The following TMBIM6 variants were observed in gnomAD, a reference collection of about 807,000 sequenced individuals.
The protein encoded by TMBIM6 is bax inhibitor 1.
Under a neutral mutation model 31.4 loss-of-function variants are expected in TMBIM6, and 13 were observed. The observed-to-expected ratio is 0.41, with a 90% CI of 0.27 to 0.66. The LOEUF (loss-of-function observed/expected upper bound fraction) is 0.66, where lower values mean the gene tolerates loss of function less well. TMBIM6 is among the 30% of genes least tolerant of loss of function. The pLI, the probability that TMBIM6 is intolerant of heterozygous loss-of-function variation, is 0.28. For missense variants in TMBIM6, 275 were observed against 289.5 expected, an observed-to-expected ratio of 0.95 and a Z score of 0.36; for synonymous variants, 85 against 101.7, an observed-to-expected ratio of 0.84 and a Z score of 0.99.
At position 49,762,886 on chromosome 12, in the gene TMBIM6, A is replaced by C; in HGVS notation, c.704A>C (p.Glu235Ala). 1 of 1,613,104 alleles carries C rather than the reference A, an allele frequency of 6.2e-7. No homozygotes were observed. Among genetic ancestry groups the C allele is most frequent in the Non-Finnish European group, 8.5e-7 (1 of 1,179,156 alleles). ...LAMNEKDKKK[E>A]KK ...CTCCATTTCTAGGATAAGAAGAAAG[A>C]GAAGAAATGAAGTGACCATCCAGCC... The change falls in exon 10 of 10, where the codon GAG (glutamate) becomes GCG (alanine). Residue 235 changes from glutamate to alanine, a missense_variant. Transcript: ENST00000267115.
chr12:49,758,295 CTT>C lies in TMBIM6; in HGVS notation c.335+21_335+22del. 1 of 1,614,142 alleles carries C rather than the reference CTT, an allele frequency of 6.2e-7. No homozygotes were observed. The highest frequency in any genetic ancestry group is 8.5e-7 in the Non-Finnish European group (1 of 1,179,984). On this transcript the variant is annotated intron_variant, in intron 5 of 9. Coordinates refer to ENST00000267115, the MANE Select transcript of TMBIM6 (RefSeq NM_003217.3). Reference sequence around the variant, plus strand: ...CCCCAGGTAACTCTTTTGGTAGTGTCTTATGTGCTTTTATCTTTATGAATATA... The same window carrying C: ...CCCCAGGTAACTCTTTTGGTAGTGTCATGTGCTTTTATCTTTATGAATATA...
chr12:49,761,843 C>T, intron 9 of TMBIM6, 64 bp downstream of exon 9: 9 of 1,543,118 alleles, frequency 5.8e-6, no homozygotes, highest in Non-Finnish European at 8.0e-6. Flanking sequence ...TGTGTGTATA[C>T]TTCAGATTTG....
Position 49,742,323 on chromosome 12 carries a change from GTCTT to G in TMBIM6, c.-31+716_-31+719del, listed in dbSNP as rs776404922. 60 of 1,520,922 alleles carry G rather than the reference GTCTT, an allele frequency of 3.9e-5. No homozygotes were observed. In the African/African-American group the frequency reaches 7.1e-4, roughly 18 times the overall value. The allele number at this position is 1,520,922 out of a possible 1,614,324, so 94.2% of individuals were successfully genotyped here. A position where few individuals can be genotyped will look rare whatever the true frequency, so the allele number is the denominator to read the frequency against. ...TGCTTGGTCTTGAGGTTTTGTGGGCGTCTTTCTAAGTCTGCTCAGCAAGGGCGTC... is the reference window on the plus strand; with the variant it reads ...TGCTTGGTCTTGAGGTTTTGTGGGCGTCTAAGTCTGCTCAGCAAGGGCGTC... On this transcript the variant is annotated intron_variant, in intron 1 of 9. Coordinates refer to ENST00000267115, the MANE Select transcript of TMBIM6 (RefSeq NM_003217.3).
intron 1 of TMBIM6, chr12:49,742,023 C>G (rs1945304035): frequency 1.4e-6 from 2 of 1,456,812 alleles, no homozygotes; most frequent in South Asian, 1.3e-5. Flanking sequence ...GGTGAAGGAA[C>G]GCGAAACTCC....
intron 1 of TMBIM6, among the ~76,000 whole-genome samples, chr12:49,751,540 T>C (rs1945494157): frequency 2.0e-5 from 3 of 152,168 alleles, no homozygotes; most frequent in Admixed American, 1.3e-4. Flanking sequence ...TCCTCCTTTC[T>C]GCATAAATTC....
intron 1 of TMBIM6, among the ~76,000 whole-genome samples, chr12:49,749,441 G>GTTTTTTTT (rs61667487): frequency 1.2e-3 from 179 of 146,112 alleles, no homozygotes; most frequent in South Asian, 0.01. Flanking sequence ...AGTCATTTTT[G>GTTTTTTTT]TTTTTTTTTG....
intron 1 of TMBIM6, 61 bp from the exon 2 acceptor site, chr12:49,752,403 T>TA: frequency 4.1e-6 from 5 of 1,233,288 alleles, no homozygotes; most frequent in South Asian, 1.5e-5. Flanking sequence ...TTTTTTTTTT[T>TA]TATAAGCTGT....
intron 4 of TMBIM6, among the ~76,000 whole-genome samples, chr12:49,756,907 T>G (rs1945609666): frequency 1.3e-5 from 2 of 151,182 alleles, no homozygotes; most frequent in African/African-American, 4.9e-5. Context: ...AGCTAATCTT[T>G]TGTATTTTTA....
At chr12:49,755,176 C>T (rs1393314872) in intron 3 of TMBIM6, among the ~76,000 whole-genome samples, 6 of 151,744 alleles carry the variant, frequency 4.0e-5, no homozygotes, top group African/African-American at 9.7e-5. Context: ...AGGCTGGTCT[C>T]GAACTCCTGA....
At chr12:49,761,822 T>G (rs1192931352) in intron 9 of TMBIM6, 43 bp downstream of exon 9, 1 of 1,593,950 alleles carries the variant, frequency 6.3e-7, no homozygotes, top group South Asian at 1.1e-5. Context: ...TAATGGCTCC[T>G]GAGCTTGGCA....
intron 1 of TMBIM6, chr12:49,750,808 A>G (rs1945480952): frequency 6.6e-6 from 1 of 152,220 alleles, no homozygotes. Flanking sequence ...GAAGCAGATG[A>G]TGTTTATATC....
intron 1 of TMBIM6, chr12:49,742,032 C>T (rs1282457248): frequency 2.8e-5 from 41 of 1,489,360 alleles, no homozygotes; most frequent in Non-Finnish European, 3.6e-5. Context: ...ACGCGAAACT[C>T]CACCCATCCG....
chr12:49,741,929 C>T (rs1945302365), intron 1 of TMBIM6: 1 of 746,012 alleles, frequency 1.3e-6, no homozygotes, highest in South Asian at 1.9e-5. Flanking sequence ...TTTCCTTTCT[C>T]CCGCTCCTTC....
chr12:49,758,427 G>C lies in TMBIM6; in HGVS notation c.380G>C (p.Cys127Ser), dbSNP rs953482161. 3 of 1,613,974 alleles carry C rather than the reference G, an allele frequency of 1.9e-6. No individual in the cohort carries two copies. In the Admixed American group the frequency reaches 5.0e-5, roughly 27 times the overall value. The change falls in exon 6 of 10, where the codon TGC becomes TCC. Residue 127 changes from cysteine (C) to serine (S), a missense_variant. Transcript: ENST00000267115. ...AFMGTAMIFTCFTLSALYARR... is the reference protein window; with the variant it reads ...AFMGTAMIFTSFTLSALYARR... ...ATGGGCACGGCAATGATCTTTACCT[G>C]CTTCACCCTCAGTGCACTCTATGCC...
At chr12:49,755,507 C>T (rs1945572122) in intron 3 of TMBIM6, 128 bp from the exon 4 acceptor site, 29 of 1,204,334 alleles carry the variant, frequency 2.4e-5, no homozygotes, top group Non-Finnish European at 3.1e-5. Context: ...ACTACTTTTT[C>T]TCCTGCCTCC....
At chr12:49,755,478 G>C (rs1381346415) in intron 3 of TMBIM6, among the ~76,000 whole-genome samples, 157 bp from the exon 4 acceptor site, 2 of 152,270 alleles carry the variant, frequency 1.3e-5, no homozygotes, top group South Asian at 2.1e-4. Flanking sequence ...TATCTCCTCA[G>C]CCCCATCCCT....
chr12:49,763,811 T>G lies in TMBIM6; in HGVS notation c.*915T>G, dbSNP rs1001758423. The G allele has an allele frequency of 1.3e-5, 2 of 152,180 alleles. No individual in the cohort carries two copies. Among genetic ancestry groups the G allele is most frequent in the African/African-American group, 4.8e-5 (2 of 41,432 alleles). 9.4% of individuals were successfully genotyped at this position (152,180 alleles called of 1,614,324 possible). On this transcript the variant is annotated 3_prime_UTR_variant, in exon 10 of 10. Coordinates refer to ENST00000267115, the MANE Select transcript of TMBIM6 (RefSeq NM_003217.3). ...TGTAACCAATCCTGCCAGACCTGTT[T>G]GGGGCAGTGGGGAGCAAACCTAGAT...
At position 49,752,503 on chromosome 12, in the gene TMBIM6, T is replaced by C; in HGVS notation, c.10T>C (p.Phe4Leu). 1.9e-6 allele frequency: 3 copies of C among 1,613,786 alleles called. No homozygotes were observed. The highest frequency in any genetic ancestry group is 1.7e-5 in the Admixed American group (1 of 59,964). The stretch of plus-strand genomic sequence containing the variant: ...CACGGACTCTGGAACCATGAACATA[T>C]TTGATCGAAAGATCAACTTTGATGC... MNI[F>L]DRKINFDALL... Residue 4 changes from phenylalanine to leucine, a missense_variant, in exon 2 of 10, where the codon TTT (phenylalanine) becomes CTT (leucine). Coordinates refer to ENST00000267115, the MANE Select transcript of TMBIM6 (RefSeq NM_003217.3).
At chr12:49,742,116 G>A (rs1311494837) in intron 1 of TMBIM6, 1 of 1,606,766 alleles carries the variant, frequency 6.2e-7, no homozygotes. Flanking sequence ...AAGACTCGAG[G>A]TAGGGCCTGG....
Sources: allele counts gnomAD v4.1 joint callset (sites outside exome capture counted in the v4.1 genomes callset), GRCh38; gene constraint gnomAD v4.1.1; transcripts MANE v1.5; gene names NCBI Gene and HGNC (gene_info 2026-07-23, HGNC 2026-07-21).